Variants in EFCAB11 observed in about 807,000 individuals in gnomAD.
The protein encoded by EFCAB11 is EF-hand calcium binding domain 11.
EFCAB11 carries 14 observed loss-of-function variants against 23.0 expected under a neutral mutation model. The ratio of observed to expected loss-of-function variants is 0.61; its 90% confidence interval spans 0.40 to 0.95. The LOEUF is 0.95. Ranked by LOEUF, EFCAB11 falls within the 40% of genes least tolerant of loss-of-function variation. The pLI, the probability that EFCAB11 is intolerant of heterozygous loss-of-function variation, is 0.00. For synonymous variants in EFCAB11, 65 were observed against 66.6 expected, an observed-to-expected ratio of 0.98 and a Z score of 0.11; for missense variants, 198 against 195.8, an observed-to-expected ratio of 1.01 and a Z score of -0.07.
intron 3 of EFCAB11, among the ~76,000 whole-genome samples, chr14:89,944,725 A>G (rs1890904895): frequency 6.6e-6 from 1 of 152,124 alleles, no homozygotes; most frequent in Non-Finnish European, 1.5e-5. Flanking sequence ...CAAGAAATTT[A>G]AAACCTGGAG....
At chr14:89,880,341 G>A (rs1183760625) in intron 5 of EFCAB11, among the ~76,000 whole-genome samples, 1 of 152,124 alleles carries the variant, frequency 6.6e-6, no homozygotes, top group Non-Finnish European at 1.5e-5. Flanking sequence ...CCCTGATCTT[G>A]GACTTCCCAG....
chr14:89,892,944 G>C (rs1173349427), intron 5 of EFCAB11, among the ~76,000 whole-genome samples: 1 of 152,100 alleles, frequency 6.6e-6, no homozygotes, highest in Non-Finnish European at 1.5e-5. Flanking sequence ...TGAGAGCCCA[G>C]ATGTGCAACT....
chr14:89,898,951 G>A (rs2140200024), intron 5 of EFCAB11, among the ~76,000 whole-genome samples: 1 of 152,252 alleles, frequency 6.6e-6, no homozygotes. Context: ...TAGGATTCCA[G>A]GAGTGAGCCA....
intron 5 of EFCAB11, among the ~76,000 whole-genome samples, chr14:89,813,283 T>C (rs1254915511): frequency 6.6e-6 from 1 of 152,192 alleles, no homozygotes; most frequent in Non-Finnish European, 1.5e-5. Context: ...ATAAAATAAC[T>C]TCATACTCTC....
chr14:89,809,732 C>T (rs1279294264), intron 5 of EFCAB11, among the ~76,000 whole-genome samples: 1 of 152,072 alleles, frequency 6.6e-6, no homozygotes, highest in African/African-American at 2.4e-5. Context: ...AAGTGGGGGC[C>T]GGGGAACCTC....
intron 5 of EFCAB11, among the ~76,000 whole-genome samples, chr14:89,887,079 C>T (rs777089559): frequency 1.3e-5 from 2 of 152,162 alleles, no homozygotes; most frequent in Non-Finnish European, 2.9e-5. Flanking sequence ...GTGCTCTGAA[C>T]TAACCTGAAC....
At chr14:89,934,212 G>A (rs1369354723) in intron 3 of EFCAB11, among the ~76,000 whole-genome samples, 2 of 152,190 alleles carry the variant, frequency 1.3e-5, no homozygotes, top group Admixed American at 6.5e-5. Context: ...ATAAAAGGAC[G>A]GAGGTGGGGG....
intron 5 of EFCAB11, among the ~76,000 whole-genome samples, chr14:89,905,014 T>C (rs1566804988): frequency 6.6e-6 from 1 of 152,152 alleles, no homozygotes; most frequent in Non-Finnish European, 1.5e-5. Context: ...ACAAGTCAGC[T>C]TTGATTTGGG....
intron 5 of EFCAB11, among the ~76,000 whole-genome samples, chr14:89,800,073 C>A (rs73324933): frequency 0.24 from 36,360 of 151,962 alleles, 4,856 homozygotes; most frequent in Non-Finnish European, 0.3. Flanking sequence ...GTAATCCCAG[C>A]TACTTGGGAG....
intron 5 of EFCAB11, among the ~76,000 whole-genome samples, chr14:89,867,648 T>C (rs1888134676): frequency 6.6e-6 from 1 of 152,218 alleles, no homozygotes; most frequent in South Asian, 2.1e-4. Flanking sequence ...ATTTAATAAG[T>C]ATTTTGTTTT....
At chr14:89,844,178 C>A (rs1276426470) in intron 5 of EFCAB11, among the ~76,000 whole-genome samples, 1 of 152,096 alleles carries the variant, frequency 6.6e-6, no homozygotes, top group Non-Finnish European at 1.5e-5. Context: ...CTGCGTATAA[C>A]AGAAATGCTG....
In EFCAB11 at chr14:89,860,804, T is replaced by G. The variant is rs373503291; in HGVS notation, c.411-63480A>C. Among the ~76,000 whole-genome samples the G allele has an allele frequency of 3.9e-4, 60 of 152,340 alleles. No individual in the cohort carries two copies. In the South Asian group the frequency reaches 0.012, roughly 29 times the overall value. On this transcript the variant is annotated intron_variant, in intron 5 of 5. Transcript: ENST00000316738. ...AGGTACATTTTAAATCTCCAGGTATTAATAATATACTGGCATTTTGTAACA... is the reference window on the plus strand; with the variant it reads ...AGGTACATTTTAAATCTCCAGGTATGAATAATATACTGGCATTTTGTAACA...
chr14:89,855,215 C>G (rs541188388), intron 5 of EFCAB11, among the ~76,000 whole-genome samples: 2 of 151,526 alleles, frequency 1.3e-5, no homozygotes, highest in Non-Finnish European at 2.9e-5. Flanking sequence ...TGGTGGCATG[C>G]CTGTAATCCC....
chr14:89,849,836 A>T (rs1333339547), intron 5 of EFCAB11, among the ~76,000 whole-genome samples: 1 of 152,188 alleles, frequency 6.6e-6, no homozygotes, highest in Non-Finnish European at 1.5e-5. Flanking sequence ...ATTGACTTTC[A>T]ACTGAAGTGT....
intron 5 of EFCAB11, among the ~76,000 whole-genome samples, chr14:89,920,538 T>C (rs1889990424): frequency 6.6e-6 from 1 of 152,198 alleles, no homozygotes; most frequent in African/African-American, 2.4e-5. Flanking sequence ...CTTGAGCAAG[T>C]CTTTAGACCT....
intron 5 of EFCAB11, among the ~76,000 whole-genome samples, chr14:89,858,526 G>A (rs1049997782): frequency 2.6e-5 from 4 of 152,176 alleles, no homozygotes; most frequent in African/African-American, 9.7e-5. Context: ...GTCTCACTCT[G>A]TCGCCCAGAG....
At chr14:89,927,870 C>T (rs1030559742) in intron 5 of EFCAB11, among the ~76,000 whole-genome samples, 1 of 152,002 alleles carries the variant, frequency 6.6e-6, no homozygotes, top group Non-Finnish European at 1.5e-5. Flanking sequence ...TACAGGCGCC[C>T]ACCACCACGC....
intron 3 of EFCAB11, among the ~76,000 whole-genome samples, chr14:89,942,964 C>A (rs1463515021): frequency 6.6e-6 from 1 of 152,168 alleles, no homozygotes; most frequent in Non-Finnish European, 1.5e-5. Context: ...TAATCCCGAA[C>A]CCAAAGTGCA....
intron 5 of EFCAB11, among the ~76,000 whole-genome samples, chr14:89,914,121 G>A (rs1889763193): frequency 6.6e-6 from 1 of 152,134 alleles, no homozygotes; most frequent in Non-Finnish European, 1.5e-5. Context: ...AACATCCCAG[G>A]GTAGACGGGC....
Sources: allele counts gnomAD v4.1 joint callset (sites outside exome capture counted in the v4.1 genomes callset), GRCh38; gene constraint gnomAD v4.1.1; transcripts MANE v1.5; gene names NCBI Gene and HGNC (gene_info 2026-07-23, HGNC 2026-07-21).